CCDC8: variants seen among roughly 807,000 people sequenced by gnomAD.
CCDC8 encodes coiled-coil domain containing 8 subunit of 3M complex.
A neutral mutation model predicts 5.2 loss-of-function variants in CCDC8; 6 were observed. The ratio of observed to expected loss-of-function variants is 1.16; its 90% CI spans 0.63 to 2.28. CCDC8 has a LOEUF of 2.28. Among genes scored for constraint, CCDC8 ranks in the 30% most tolerant of loss-of-function variants. The pLI is 0.00. For synonymous variants in CCDC8, 310 were observed against 286.5 expected (o/e 1.08, Z -0.83); for missense variants, 724 against 712.2 (o/e 1.02, Z -0.19).
In CCDC8 at chr19:46,412,951, G is replaced by A. The variant is rs1287106361; in HGVS notation, c.-141C>T. 10 of 1,171,772 alleles carry A rather than the reference G, an allele frequency of 8.5e-6. No homozygotes were observed. Among genetic ancestry groups the A allele is most frequent in the Non-Finnish European group, 1.2e-5 (10 of 808,248 alleles). The allele number at this position is 1,171,772 out of a possible 1,614,324, so 72.6% of individuals were successfully genotyped here. ...ACGCTCCAAAGAATGAGGCAGTCGG[G>A]GGACGGCAGGAAGCCCCAGGGGAAC... is the stretch of plus-strand genomic sequence containing the variant. On this transcript the variant is annotated 5_prime_UTR_variant, in exon 1 of 1. Transcript: ENST00000307522. The surrounding 1 kb of genome is among the most constrained non-coding windows in gnomAD (Gnocchi z 4.7).
At position 46,411,363 on chromosome 19, in the gene CCDC8, G is replaced by A. The variant is rs1973225804; in HGVS notation, c.1448C>T (p.Pro483Leu). The A allele has an allele frequency of 6.2e-7, 1 of 1,614,110 alleles. No individual in the cohort carries two copies. The highest frequency in any genetic ancestry group is 8.5e-7 in the Non-Finnish European group (1 of 1,180,046). ...CTTGCAAAACCACGAAAAGCGTCCA[G>A]GGGTCTGGAACCTCACTGTCTTGAC... ...KQVKTVRFQT[P>L]GRFSWFCKRR... The change falls in exon 1 of 1, where the codon CCT (proline) becomes CTT (leucine). Residue 483 changes from proline (P) to leucine (L), a missense_variant. Transcript: ENST00000307522.
Position 46,412,292 on chromosome 19 carries a change from G to A in CCDC8, c.519C>T (p.Val173=). 6.2e-7 allele frequency: 1 copy of A among 1,608,124 alleles called. No individual in the cohort carries two copies. Among genetic ancestry groups the A allele is most frequent in the Non-Finnish European group, 8.5e-7 (1 of 1,179,928 alleles). The change falls in exon 1 of 1, where the codon GTC becomes GTT. Residue 173 remains valine, a synonymous_variant. Transcript: ENST00000307522. This position sits in a 1 kb window ranked among gnomAD's most constrained non-coding sequence, Gnocchi z 4.7. ...CCTCAAACATGGGCACTGGCAGGTT[G>A]ACGCGGCGGCGGGCAGGCGGCGCGC... ...QPSAPPARRR[V]NLPVPMFEDN... is the part of the protein sequence containing the mutation.
In CCDC8 at chr19:46,410,548, A is replaced by G. The variant is rs1973215057; in HGVS notation, c.*646T>C. 1 of 152,586 alleles carries G rather than the reference A, an allele frequency of 6.6e-6. No homozygotes were observed. Among genetic ancestry groups the G allele is most frequent in the South Asian group, 2.1e-4 (1 of 4,846 alleles). The allele number at this position is 152,586 out of a possible 1,614,324, so 9.5% of individuals were successfully genotyped here. On this transcript the variant is annotated 3_prime_UTR_variant, in exon 1 of 1. Coordinates refer to ENST00000307522, the MANE Select transcript of CCDC8 (RefSeq NM_032040.5). ...CATCAAGGATGGGAGTGGAACGGACAGCAAGGGCCAGGTCACCCCCAGAGC... is the reference window on the plus strand; with the variant it reads ...CATCAAGGATGGGAGTGGAACGGACGGCAAGGGCCAGGTCACCCCCAGAGC...
In CCDC8 at chr19:46,412,726, TAGAGA is replaced by T; in HGVS notation, c.80_84del (p.Ile27LysfsTer119). The T allele has an allele frequency of 6.2e-7, 1 of 1,613,716 alleles. No homozygotes were observed. The highest frequency in any genetic ancestry group is 8.5e-7 in the Non-Finnish European group (1 of 1,180,002). On this transcript the variant is annotated frameshift_variant, in exon 1 of 1. Transcript: ENST00000307522. LOFTEE classifies it low-confidence loss of function (END_TRUNC). The surrounding 1 kb of genome is among the most constrained non-coding windows in gnomAD (Gnocchi z 4.7). ...AATTCTGCTTCCTTGGTGGCGGGCT[TAGAGA>T]TGACTCTCCAGACGCCCCCAGCCAG...
Position 46,411,177 on chromosome 19 carries a change from T to C in CCDC8, c.*17A>G. On this transcript the variant is annotated 3_prime_UTR_variant, in exon 1 of 1. Coordinates refer to ENST00000307522, the MANE Select transcript of CCDC8 (RefSeq NM_032040.5). ...ACACTTGGAGGGAGGGCCCGTGGGCTGTCTCTAGCCCTCACCTCACAGCTG... is the reference window on the plus strand; with the variant it reads ...ACACTTGGAGGGAGGGCCCGTGGGCCGTCTCTAGCCCTCACCTCACAGCTG... 1 of 1,613,836 alleles carries C rather than the reference T, an allele frequency of 6.2e-7. No individual in the cohort carries two copies. The highest frequency in any genetic ancestry group is 8.5e-7 in the Non-Finnish European group (1 of 1,180,022).
chr19:46,411,987 C>T lies in CCDC8; in HGVS notation c.824G>A (p.Arg275Gln), dbSNP rs140574202. ...TGCTGTCTGCTCCTTCCTGCGGCGC[C>T]GAAAGGAGGCCCAGTTGATCTTGGG... Reference protein sequence around the residue: ...WRPKINWASFRRRRKEQTAPT... With the variant: ...WRPKINWASFQRRRKEQTAPT... Residue 275 changes from arginine to glutamine, a missense_variant, in exon 1 of 1, where the codon CGG (arginine) becomes CAG (glutamine). Physicochemically the swap from Arg to Gln is conservative, Grantham distance 43. Coordinates refer to ENST00000307522, the MANE Select transcript of CCDC8 (RefSeq NM_032040.5). The T allele has an allele frequency of 3.2e-4, 519 of 1,607,324 alleles. 3 individuals carry two copies. The African/African-American group carries it at 5.8e-3, about 18-fold the overall frequency.
Position 46,411,986 on chromosome 19 carries a change from C to A in CCDC8, c.825G>T (p.Arg275=). The part of the protein sequence containing the change: ...WRPKINWASF[R]RRRKEQTAPT... ...GTGCTGTCTGCTCCTTCCTGCGGCG[C>A]CGAAAGGAGGCCCAGTTGATCTTGG... The change falls in exon 1 of 1, where the codon CGG becomes CGT. Residue 275 remains arginine (R), a synonymous_variant. Coordinates refer to ENST00000307522, the MANE Select transcript of CCDC8 (RefSeq NM_032040.5). 1 of 1,607,568 alleles carries A rather than the reference C, an allele frequency of 6.2e-7. No individual in the cohort carries two copies. The highest frequency in any genetic ancestry group is 8.5e-7 in the Non-Finnish European group (1 of 1,179,886).
At position 46,412,198 on chromosome 19, in the gene CCDC8, T is replaced by TC. The variant is rs752254407; in HGVS notation, c.612dup (p.Lys205GlufsTer59). 12 of 1,598,902 alleles carry TC rather than the reference T, an allele frequency of 7.5e-6. No individual in the cohort carries two copies. The South Asian group carries it at 1.3e-4, about 18-fold the overall frequency. On this transcript the variant is annotated frameshift_variant, in exon 1 of 1. Coordinates refer to ENST00000307522, the MANE Select transcript of CCDC8 (RefSeq NM_032040.5). LOFTEE classifies it low-confidence loss of function (END_TRUNC). This position sits in a 1 kb window ranked among gnomAD's most constrained non-coding sequence, Gnocchi z 4.7. Reference sequence around the variant, plus strand: ...CAACCCTTCACCCTCCGCTTCAGCTTCCCCCAGGACACCTGGCTGACATAC... The same window carrying TC: ...CAACCCTTCACCCTCCGCTTCAGCTTCCCCCCAGGACACCTGGCTGACATAC...
In CCDC8 at chr19:46,411,029, T is replaced by C. The variant is rs1175114704; in HGVS notation, c.*165A>G. On this transcript the variant is annotated 3_prime_UTR_variant, in exon 1 of 1. Transcript: ENST00000307522. ...AGAGTGAGACCCTGTCTCTAAAAAATTTAAAAAAAAATCAAAGCATGAACA... is the reference window on the plus strand; with the variant it reads ...AGAGTGAGACCCTGTCTCTAAAAAACTTAAAAAAAAATCAAAGCATGAACA... 1 of 863,876 alleles carries C rather than the reference T, an allele frequency of 1.2e-6. No homozygotes were observed. The highest frequency in any genetic ancestry group is 1.7e-5 in the African/African-American group (1 of 58,692). 53.5% of individuals were successfully genotyped at this position (863,876 alleles called of 1,614,324 possible). A position where few individuals can be genotyped will look rare whatever the true frequency, so the allele number is the denominator to read the frequency against.
chr19:46,411,365 G>T lies in CCDC8; in HGVS notation c.1446C>A (p.Thr482=), dbSNP rs148450169. 7.4e-6 allele frequency: 12 copies of T among 1,614,108 alleles called. No homozygotes were observed. Among genetic ancestry groups the T allele is most frequent in the Admixed American group, 1.7e-5 (1 of 60,008 alleles). The change falls in exon 1 of 1, where the codon ACC becomes ACA. Residue 482 remains threonine, a synonymous_variant. Transcript: ENST00000307522. Reference sequence around the variant, plus strand: ...TGCAAAACCACGAAAAGCGTCCAGGGGTCTGGAACCTCACTGTCTTGACCT... The same window carrying T: ...TGCAAAACCACGAAAAGCGTCCAGGTGTCTGGAACCTCACTGTCTTGACCT... The part of the protein sequence containing the change: ...RKQVKTVRFQ[T]PGRFSWFCKR...
rs368909087 is a variant in CCDC8 at position 46,411,242 on chromosome 19, G to A, written c.1569C>T (p.Ala523=). The change falls in exon 1 of 1, where the codon GCC becomes GCT. Residue 523 remains alanine (A), a synonymous_variant. Coordinates refer to ENST00000307522, the MANE Select transcript of CCDC8 (RefSeq NM_032040.5). ...GEARNLRVLR[A]EARAEAEQGE... The stretch of plus-strand genomic sequence containing the variant: ...CCTGCTCAGCTTCTGCTCTGGCCTC[G>A]GCCCTCAGCACCCTGAGGTTCCTGG... 32 of 1,613,890 alleles carry A rather than the reference G, an allele frequency of 2.0e-5. No homozygotes were observed. Among genetic ancestry groups the A allele is most frequent in the South Asian group, 7.7e-5 (7 of 91,074 alleles).
chr19:46,411,050 G>T lies in CCDC8; in HGVS notation c.*144C>A. ...AAAATTTAAAAAAAAATCAAAGCAT[G>T]AACAAAACTTTAACAAGAGAATAAA... On this transcript the variant is annotated 3_prime_UTR_variant, in exon 1 of 1. Transcript: ENST00000307522. 9.5e-7 allele frequency: 1 copy of T among 1,049,880 alleles called. No individual in the cohort carries two copies. Among genetic ancestry groups the T allele is most frequent in the Non-Finnish European group, 1.4e-6 (1 of 727,010 alleles). The allele number at this position is 1,049,880 out of a possible 1,614,324, so 65.0% of individuals were successfully genotyped here.
Position 46,410,879 on chromosome 19 carries a change from G to T in CCDC8, c.*315C>A. The T allele has an allele frequency of 3.4e-6, 1 of 293,340 alleles. No individual in the cohort carries two copies. Among genetic ancestry groups the T allele is most frequent in the Non-Finnish European group, 6.4e-6 (1 of 155,160 alleles). 18.2% of individuals were successfully genotyped at this position (293,340 alleles called of 1,614,324 possible). A position where few individuals can be genotyped will look rare whatever the true frequency, so the allele number is the denominator to read the frequency against. ...TATTTTTTTTTTTTAATCAGATGGT[G>T]TGTGTGGTGGCTCACATCTGTAATC... On this transcript the variant is annotated 3_prime_UTR_variant, in exon 1 of 1. Coordinates refer to ENST00000307522, the MANE Select transcript of CCDC8 (RefSeq NM_032040.5).
rs1232853849 is a variant in CCDC8, at chr19:46,411,315, G to A, written c.1496C>T (p.Thr499Ile). ...CTTGGGCAGGGTTGGCAACCGGGGA[G>A]TGTGCCAGAAGGCTCTCCGGCGCTT... ...FCKRRRAFWHTPRLPTLPKRV... is the reference protein window; with the variant it reads ...FCKRRRAFWHIPRLPTLPKRV... Residue 499 changes from threonine (T) to isoleucine (I), a missense_variant, in exon 1 of 1, where the codon ACT becomes ATT. By Grantham distance (89) the Thr-to-Ile change is moderately conservative. Coordinates refer to ENST00000307522, the MANE Select transcript of CCDC8 (RefSeq NM_032040.5). 6.2e-7 allele frequency: 1 copy of A among 1,614,114 alleles called. No homozygotes were observed. Among genetic ancestry groups the A allele is most frequent in the Non-Finnish European group, 8.5e-7 (1 of 1,180,046 alleles).
rs752885260 is a variant in CCDC8, at chr19:46,411,333, C to T, written c.1478G>A (p.Arg493Gln). Reference sequence around the variant, plus strand: ...CCGGGGAGTGTGCCAGAAGGCTCTCCGGCGCTTGCAAAACCACGAAAAGCG... The same window carrying T: ...CCGGGGAGTGTGCCAGAAGGCTCTCTGGCGCTTGCAAAACCACGAAAAGCG... ...PGRFSWFCKR[R>Q]RAFWHTPRLP... is the part of the protein sequence containing the mutation. The change falls in exon 1 of 1, where the codon CGG (arginine) becomes CAG (glutamine). Residue 493 changes from arginine to glutamine, a missense_variant. Physicochemically the swap from Arg to Gln is conservative, Grantham distance 43. Coordinates refer to ENST00000307522, the MANE Select transcript of CCDC8 (RefSeq NM_032040.5). The T allele has an allele frequency of 1.4e-5, 23 of 1,614,056 alleles. No individual in the cohort carries two copies. The highest frequency in any genetic ancestry group is 1.6e-4 in the Middle Eastern group (1 of 6,084).
rs1468849355 is a variant in CCDC8, at chr19:46,411,120, T to G, written c.*74A>C. 4.4e-6 allele frequency: 7 copies of G among 1,579,100 alleles called. No homozygotes were observed. Among genetic ancestry groups the G allele is most frequent in the Non-Finnish European group, 5.2e-6 (6 of 1,153,518 alleles). Reference sequence around the variant, plus strand: ...CGTGGCCAGCACTCCACCTCCACTTTGAAGTTCAGAGGCAGAGCATCTCTC... The same window carrying G: ...CGTGGCCAGCACTCCACCTCCACTTGGAAGTTCAGAGGCAGAGCATCTCTC... On this transcript the variant is annotated 3_prime_UTR_variant, in exon 1 of 1. Coordinates refer to ENST00000307522, the MANE Select transcript of CCDC8 (RefSeq NM_032040.5).
At position 46,411,280 on chromosome 19, in the gene CCDC8, T is replaced by G. The variant is rs142047380; in HGVS notation, c.1531A>C (p.Arg511=). ...RLPTLPKRVP[R]AGEARNLRVL... is the part of the protein sequence containing the mutation. ...CTGAGGTTCCTGGCCTCTCCTGCCC[T>G]GGGGACTCTCTTGGGCAGGGTTGGC... The change falls in exon 1 of 1, where the codon AGG becomes CGG. Residue 511 remains arginine (R), a synonymous_variant. Coordinates refer to ENST00000307522, the MANE Select transcript of CCDC8 (RefSeq NM_032040.5). The G allele has an allele frequency of 2.4e-5, 39 of 1,614,162 alleles. No individual in the cohort carries two copies. Among genetic ancestry groups the G allele is most frequent in the Non-Finnish European group, 3.3e-5 (39 of 1,180,010 alleles).
rs1343312777 is a variant in CCDC8 at position 46,412,484 on chromosome 19, GTCGCTGAAC to G, written c.318_326del (p.Glu106_Ser108del). Reference sequence around the variant, plus strand: ...GGCTCTTGTCTCTGGAGGTCTCGAAGTCGCTGAACTCGCTGTCGCTGGCGTTGCTGCTGT... The same window carrying G: ...GGCTCTTGTCTCTGGAGGTCTCGAAGTCGCTGTCGCTGGCGTTGCTGCTGT... On this transcript the variant is annotated inframe_deletion, in exon 1 of 1. Coordinates refer to ENST00000307522, the MANE Select transcript of CCDC8 (RefSeq NM_032040.5). The surrounding 1 kb of genome is among the most constrained non-coding windows in gnomAD (Gnocchi z 4.7). The G allele has an allele frequency of 6.2e-7, 1 of 1,608,972 alleles. No individual in the cohort carries two copies. The highest frequency in any genetic ancestry group is 2.2e-5 in the East Asian group (1 of 44,880).
Position 46,411,139 on chromosome 19 carries a change from A to G in CCDC8, c.*55T>C. 5 of 1,594,966 alleles carry G rather than the reference A, an allele frequency of 3.1e-6. No homozygotes were observed. Among genetic ancestry groups the G allele is most frequent in the Non-Finnish European group, 3.4e-6 (4 of 1,164,708 alleles). ...CCACTTTGAAGTTCAGAGGCAGAGCATCTCTCCCTCCCACACTTGGAGGGA... is the reference window on the plus strand; with the variant it reads ...CCACTTTGAAGTTCAGAGGCAGAGCGTCTCTCCCTCCCACACTTGGAGGGA... On this transcript the variant is annotated 3_prime_UTR_variant, in exon 1 of 1. Transcript: ENST00000307522.
Sources: gnomAD v4.1 joint callset for allele counts on GRCh38, gnomAD v4.1.1 for gene constraint, Gnocchi (gnomAD v3.1) non-coding constraint, MANE v1.5 for transcripts, NCBI Gene and HGNC (gene_info 2026-07-23, HGNC 2026-07-21) for gene names.